The following MSANTD3 variants were observed in gnomAD, a reference collection of about 807,000 sequenced individuals.
The protein encoded by MSANTD3 is Myb/SANT DNA binding domain containing 3.
Under a neutral mutation model 27.7 loss-of-function variants are expected in MSANTD3, and 11 were observed. That is an observed-to-expected ratio of 0.40 (90% CI 0.25 to 0.66). The LOEUF (loss-of-function observed/expected upper bound fraction) is 0.66, where lower values mean the gene tolerates loss of function less well. Ranked by LOEUF, MSANTD3 falls within the 30% of genes least tolerant of loss-of-function variation. MSANTD3 has a pLI of 0.41. For missense variants in MSANTD3, 250 were observed against 336.5 expected (o/e 0.74, Z 2.01); for synonymous variants, 131 against 127.2 (o/e 1.03, Z -0.20).
At chr9:100,435,243 G>A (rs1415053406) in intron 1 of MSANTD3, among the ~76,000 whole-genome samples, 1 of 152,102 alleles carries the variant, frequency 6.6e-6, no homozygotes, top group Non-Finnish European at 1.5e-5. Flanking sequence ...ATTTGAGCCC[G>A]GGTTTTCTGC....
At chr9:100,449,295 A>G (rs1836827919) in intron 2 of MSANTD3, 2 of 964,442 alleles carry the variant, frequency 2.1e-6, no homozygotes, top group Non-Finnish European at 2.5e-6. Context: ...TTGCATCCAT[A>G]TACTCTTCCC....
intron 1 of MSANTD3, among the ~76,000 whole-genome samples, chr9:100,433,191 A>G (rs1056528096): frequency 5.3e-5 from 8 of 152,184 alleles, no homozygotes; most frequent in Admixed American, 1.3e-4. Context: ...GGGCCTTGGG[A>G]AGCCCTGTTT....
At position 100,436,665 on chromosome 9, in the gene MSANTD3, G is replaced by A. The variant is rs556728373; in HGVS notation, c.-33-5241G>A. 2.1e-4 allele frequency among the ~76,000 whole-genome samples: 32 copies of A among 152,242 alleles called. No individual in the cohort carries two copies. In the South Asian group the frequency reaches 4.1e-3, roughly 20 times the overall value. ...CAAGAGTATCCTTTCTAGCCTCAAA[G>A]TTTCTATTAATAAGCATTAATAAGC... is the stretch of plus-strand genomic sequence containing the variant. On this transcript the variant is annotated intron_variant, in intron 1 of 2. Transcript: ENST00000395067.
intron 1 of MSANTD3, among the ~76,000 whole-genome samples, chr9:100,429,117 C>T (rs992873318): frequency 6.6e-6 from 1 of 152,176 alleles, no homozygotes; most frequent in Non-Finnish European, 1.5e-5. Flanking sequence ...GACTCAGGCA[C>T]TCCTGTCCTG....
At chr9:100,449,239 TA>T (rs919327619) in intron 2 of MSANTD3, 1 of 985,208 alleles carries the variant, frequency 1.0e-6, no homozygotes, top group African/African-American at 1.7e-5. Context: ...ACTGCTCTAA[TA>T]AAAAAAGCAG....
chr9:100,435,245 G>A (rs899001384), intron 1 of MSANTD3, among the ~76,000 whole-genome samples: 1 of 152,146 alleles, frequency 6.6e-6, no homozygotes, highest in Non-Finnish European at 1.5e-5. Flanking sequence ...TTGAGCCCGG[G>A]TTTTCTGCAT....
Position 100,451,114 on chromosome 9 carries a change from C to T in MSANTD3, c.*148C>T, listed in dbSNP as rs1836875976. On this transcript the variant is annotated 3_prime_UTR_variant, in exon 3 of 3. Coordinates refer to ENST00000395067, the MANE Select transcript of MSANTD3 (RefSeq NM_080655.3). ...TTATTTAAGAATTCATTCAGGTAAA[C>T]AGCTGCACCCTCTGTACCCCTTAAG... 1.4e-6 allele frequency: 1 copy of T among 736,076 alleles called. No individual in the cohort carries two copies. The highest frequency in any genetic ancestry group is 2.7e-5 in the East Asian group (1 of 37,344). The allele number at this position is 736,076 out of a possible 1,614,324, so 45.6% of individuals were successfully genotyped here. A position where few individuals can be genotyped will look rare whatever the true frequency, so the allele number is the denominator to read the frequency against.
chr9:100,446,300 T>G (rs1836749993), intron 2 of MSANTD3, among the ~76,000 whole-genome samples: 2 of 152,194 alleles, frequency 1.3e-5, no homozygotes. Flanking sequence ...ACACTTCCAG[T>G]CATGGCACCC....
chr9:100,447,368 CT>C (rs34721493), intron 2 of MSANTD3, among the ~76,000 whole-genome samples: 41,423 of 151,232 alleles, frequency 0.27, 6,100 homozygotes, highest in African/African-American at 0.37. Context: ...AGAGGCCTGG[CT>C]TTTTTTTTCC....
chr9:100,430,612 T>C, intron 1 of MSANTD3, among the ~76,000 whole-genome samples: 1 of 152,186 alleles, frequency 6.6e-6, no homozygotes, highest in Non-Finnish European at 1.5e-5. Context: ...CCTGTAGTTG[T>C]GTGGAAGAGG....
chr9:100,450,216 A>G (rs1273475251), intron 2 of MSANTD3, among the ~76,000 whole-genome samples: 1 of 152,226 alleles, frequency 6.6e-6, no homozygotes, highest in African/African-American at 2.4e-5. Flanking sequence ...TTGTGGTCCT[A>G]CGCTCATCAG....
intron 1 of MSANTD3, among the ~76,000 whole-genome samples, chr9:100,427,899 C>G (rs913894426): frequency 3.3e-5 from 5 of 151,980 alleles, no homozygotes; most frequent in Non-Finnish European, 7.4e-5. Context: ...GGGAAAGCTC[C>G]TTTACTCCGA....
At chr9:100,448,603 A>G in intron 2 of MSANTD3, 1 of 985,442 alleles carries the variant, frequency 1.0e-6, no homozygotes, top group Non-Finnish European at 1.2e-6. Context: ...CATGCCCAGC[A>G]CTATACCAGG....
At chr9:100,427,654 G>A (rs1836276026) in intron 1 of MSANTD3, 1 of 152,252 alleles carries the variant, frequency 6.6e-6, no homozygotes, top group African/African-American at 2.4e-5. Flanking sequence ...GCTGGGAGCG[G>A]GGTGGGCTTT....
At chr9:100,441,870 G>T (rs1836631689) in intron 1 of MSANTD3, 36 bp from the exon 2 acceptor site, 2 of 1,522,978 alleles carry the variant, frequency 1.3e-6, no homozygotes, top group Non-Finnish European at 1.8e-6. Flanking sequence ...GTTTTTGCTG[G>T]AGTTGGTAAT....
chr9:100,449,644 T>C (rs1307883318), intron 2 of MSANTD3, among the ~76,000 whole-genome samples: 1 of 151,932 alleles, frequency 6.6e-6, no homozygotes, highest in African/African-American at 2.4e-5. Flanking sequence ...TAGCTTGTGG[T>C]AGGACTGAAG....
At chr9:100,430,361 C>T (rs1292768742) in intron 1 of MSANTD3, among the ~76,000 whole-genome samples, 1 of 150,734 alleles carries the variant, frequency 6.6e-6, no homozygotes, top group East Asian at 1.9e-4. Flanking sequence ...GAAAATGGGC[C>T]CTTGGTGGCC....
intron 1 of MSANTD3, among the ~76,000 whole-genome samples, chr9:100,428,910 C>T (rs1446308016): frequency 6.6e-6 from 1 of 152,028 alleles, no homozygotes; most frequent in Admixed American, 6.6e-5. Flanking sequence ...GGCTTTGGAT[C>T]CTGAAGAAGG....
intron 2 of MSANTD3, 34 bp from the exon 3 acceptor site, chr9:100,450,523 C>A: frequency 6.7e-7 from 1 of 1,487,566 alleles, no homozygotes; most frequent in Non-Finnish European, 8.9e-7. Flanking sequence ...CCTGTAAAAT[C>A]TTTGAACATA....
Sources: allele counts gnomAD v4.1 joint callset (sites outside exome capture counted in the v4.1 genomes callset), GRCh38; gene constraint gnomAD v4.1.1; transcripts MANE v1.5; gene names NCBI Gene and HGNC (gene_info 2026-07-23, HGNC 2026-07-21).